ACAD10: variants seen among roughly 807,000 people sequenced by gnomAD.
ACAD10 encodes acyl-CoA dehydrogenase family member 10.
A neutral mutation model predicts 116.8 loss-of-function variants in ACAD10; 112 were observed. That is an observed-to-expected ratio of 0.96 (90% CI 0.82 to 1.12). ACAD10 has a LOEUF of 1.12. ACAD10 is among the 50% of genes most tolerant of loss of function. ACAD10 has a pLI of 0.00. For missense variants in ACAD10, 1,259 were observed against 1,350.2 expected (o/e 0.93, Z 1.06); for synonymous variants, 486 against 510.6 (o/e 0.95, Z 0.65).
chr12:111,747,028 C>A, intron 14 of ACAD10, 21 bp from the exon 15 acceptor site: 2 of 1,560,078 alleles, frequency 1.3e-6, no homozygotes, highest in South Asian at 2.4e-5. Flanking sequence ...CAGTCATGGT[C>A]ACGCTCCTTT....
chr12:111,756,969 C>G lies in ACAD10; in HGVS notation c.*496C>G, dbSNP rs918750544. ...CCTGGGCGCCTGGGAAAATGGAATGCAACCCACATTGTAAAGCCACTGGCA... is the reference window on the plus strand; with the variant it reads ...CCTGGGCGCCTGGGAAAATGGAATGGAACCCACATTGTAAAGCCACTGGCA... On this transcript the variant is annotated 3_prime_UTR_variant, in exon 21 of 21. Transcript: ENST00000313698. The G allele has an allele frequency of 1.1e-4, 48 of 441,216 alleles. No individual in the cohort carries two copies. The highest frequency in any genetic ancestry group is 9.1e-4 in the African/African-American group (45 of 49,442). 27.3% of individuals were successfully genotyped at this position (441,216 alleles called of 1,614,324 possible).
At chr12:111,686,764 C>T (rs1887872348) in intron 1 of ACAD10, among the ~76,000 whole-genome samples, 1 of 152,170 alleles carries the variant, frequency 6.6e-6, no homozygotes, top group African/African-American at 2.4e-5. Context: ...GAGCATAGTG[C>T]TGCAGTTAGA....
chr12:111,752,936 G>A (rs1890113130), intron 18 of ACAD10: 1 of 152,616 alleles, frequency 6.6e-6, no homozygotes, highest in South Asian at 2.0e-4. Context: ...CTGAGTCTAA[G>A]AGTTTGAGAC....
At chr12:111,732,101 A>C (rs1019537892) in intron 10 of ACAD10, among the ~76,000 whole-genome samples, 1 of 152,094 alleles carries the variant, frequency 6.6e-6, no homozygotes, top group Non-Finnish European at 1.5e-5. Context: ...AAAAAAAGAA[A>C]AGTAATGGGC....
chr12:111,693,049 G>C (rs770557090), intron 2 of ACAD10, 153 bp downstream of exon 2: 1 of 767,546 alleles, frequency 1.3e-6, no homozygotes, highest in African/African-American at 1.8e-5. Flanking sequence ...CCACTAGGGG[G>C]CTGAGTGTCT....
At chr12:111,733,466 C>T (rs938825277) in intron 10 of ACAD10, among the ~76,000 whole-genome samples, 5 of 152,068 alleles carry the variant, frequency 3.3e-5, no homozygotes, top group South Asian at 2.1e-4. Context: ...AGCTGTATCA[C>T]GTTTTCTGAC....
chr12:111,749,300 G>T lies in ACAD10; in HGVS notation c.2772G>T (p.Arg924Ser). 3 of 1,613,976 alleles carry T rather than the reference G, an allele frequency of 1.9e-6. No individual in the cohort carries two copies. The highest frequency in any genetic ancestry group is 1.1e-5 in the South Asian group (1 of 91,082). The change falls in exon 18 of 21, where the codon AGG (arginine) becomes AGT (serine). Residue 924 changes from arginine (R) to serine (S), a missense_variant. Coordinates refer to ENST00000313698, the MANE Select transcript of ACAD10 (RefSeq NM_025247.6). ...CCGGCAGGATCCATCACTGCATGAG[G>T]CTGATCGGGTTCTCAGAGAGGGCCC... The part of the protein sequence containing the change: ...LGPGRIHHCM[R>S]LIGFSERALA...
chr12:111,719,504 G>A (rs1264939889), intron 7 of ACAD10, among the ~76,000 whole-genome samples: 5 of 151,676 alleles, frequency 3.3e-5, no homozygotes, highest in African/African-American at 7.3e-5. Context: ...CACCTGCCTC[G>A]GCCTCCCGGA....
intron 19 of ACAD10, among the ~76,000 whole-genome samples, chr12:111,755,189 G>A (rs77674370): frequency 2.6e-5 from 4 of 152,160 alleles, no homozygotes; most frequent in Non-Finnish European, 5.9e-5. Flanking sequence ...TGCAACCTCC[G>A]CCTCCCGGGT....
chr12:111,748,263 AT>A, intron 16 of ACAD10, 53 bp from the exon 17 acceptor site: 1 of 1,604,582 alleles, frequency 6.2e-7, no homozygotes. Context: ...GTGTGTAGAG[AT>A]TTGATGGCCC....
chr12:111,740,433 C>G (rs1486525798), intron 12 of ACAD10, among the ~76,000 whole-genome samples: 3 of 148,594 alleles, frequency 2.0e-5, no homozygotes, highest in Non-Finnish European at 4.5e-5. Flanking sequence ...TACACTCCAG[C>G]CTGGGTGACA....
chr12:111,749,540 C>T (rs1324674946), intron 18 of ACAD10, 195 bp downstream of exon 18: 3 of 734,290 alleles, frequency 4.1e-6, no homozygotes, highest in Non-Finnish European at 4.3e-6. Context: ...GCAGAATGGA[C>T]CCCACTCTGT....
chr12:111,696,912 TCTA>T (rs1888203697), intron 2 of ACAD10, among the ~76,000 whole-genome samples: 2 of 152,114 alleles, frequency 1.3e-5, no homozygotes, highest in South Asian at 2.1e-4. Flanking sequence ...AAACCCCGTC[TCTA>T]CTAAAAATAC....
At chr12:111,723,293 A>G (rs1369803872) in intron 8 of ACAD10, among the ~76,000 whole-genome samples, 41 of 98,004 alleles carry the variant, frequency 4.2e-4, no homozygotes, top group East Asian at 7.4e-4. Context: ...CTCACCTCCC[A>G]GACGGGGCGG....
At chr12:111,752,058 CAAA>C (rs545625198) in intron 18 of ACAD10, among the ~76,000 whole-genome samples, 10 of 104,582 alleles carry the variant, frequency 9.6e-5, no homozygotes, top group Non-Finnish European at 1.5e-4. Context: ...TACTCTGTCT[CAAA>C]AAAAAAAAAA....
At chr12:111,723,423 C>T (rs1277919117) in intron 8 of ACAD10, among the ~76,000 whole-genome samples, 6 of 135,716 alleles carry the variant, frequency 4.4e-5, no homozygotes, top group South Asian at 2.5e-4. Flanking sequence ...GGGGGGCTGA[C>T]CCCCCCGCCT....
chr12:111,753,614 C>A, intron 18 of ACAD10, 158 bp from the exon 19 acceptor site: 2 of 960,922 alleles, frequency 2.1e-6, no homozygotes, highest in Non-Finnish European at 1.6e-6. Context: ...TGGCTGCACA[C>A]AGGCACCTTG....
intron 1 of ACAD10, among the ~76,000 whole-genome samples, chr12:111,686,649 G>A (rs1043425103): frequency 2.0e-5 from 3 of 152,178 alleles, no homozygotes; most frequent in Non-Finnish European, 4.4e-5. Context: ...CCGGGAGGCG[G>A]AGGTTGCAGT....
At chr12:111,750,425 GAA>G (rs962365797) in intron 18 of ACAD10, among the ~76,000 whole-genome samples, 86 of 152,112 alleles carry the variant, frequency 5.7e-4, no homozygotes, top group African/African-American at 1.9e-3. Context: ...TGGCCAAAAA[GAA>G]AAAGTTTTAA....
Sources: gnomAD v4.1 joint callset for allele counts (sites outside exome capture counted in the v4.1 genomes callset) on GRCh38, gnomAD v4.1.1 for gene constraint, MANE v1.5 for transcripts, NCBI Gene and HGNC (gene_info 2026-07-23, HGNC 2026-07-21) for gene names.